Variants in SGPP2 observed in about 807,000 individuals in gnomAD.
The protein encoded by SGPP2 is sphingosine 1-phosphate phosphohydrolase 2.
A neutral mutation model predicts 33.9 loss-of-function variants in SGPP2; 30 were observed. The observed-to-expected ratio is 0.89, with a 90% CI of 0.66 to 1.20. The LOEUF is 1.20. Ranked by LOEUF, SGPP2 falls within the 50% of genes most tolerant of loss-of-function variation. The probability of loss-of-function intolerance (pLI) is 0.00; values close to 1 mark genes in which losing one functional copy is unlikely to be tolerated. For missense variants in SGPP2, 458 were observed against 532.1 expected, an observed-to-expected ratio of 0.86 and a Z score of 1.37; for synonymous variants, 233 against 225.0, an observed-to-expected ratio of 1.04 and a Z score of -0.32.
intron 1 of SGPP2, among the ~76,000 whole-genome samples, chr2:222,458,482 G>A (rs1445277941): frequency 6.6e-6 from 1 of 152,152 alleles, no homozygotes; most frequent in African/African-American, 2.4e-5. Context: ...GCAAAAATAA[G>A]TTACTGATAT....
chr2:222,555,060 A>G (rs1382054244), intron 4 of SGPP2, among the ~76,000 whole-genome samples: 2 of 151,736 alleles, frequency 1.3e-5, no homozygotes, highest in Non-Finnish European at 2.9e-5. Context: ...ATTCTCCATC[A>G]CTATGGTTTT....
chr2:222,517,004 C>G (rs1349620272), intron 2 of SGPP2, among the ~76,000 whole-genome samples: 1 of 152,172 alleles, frequency 6.6e-6, no homozygotes, highest in African/African-American at 2.4e-5. Flanking sequence ...ACAGTTTAAA[C>G]TCTAGTGGTC....
intron 2 of SGPP2, among the ~76,000 whole-genome samples, chr2:222,512,018 T>TTA (rs958076920): frequency 6.6e-6 from 1 of 150,654 alleles, no homozygotes; most frequent in Non-Finnish European, 1.5e-5. Flanking sequence ...ATTTATTTAT[T>TTA]TATTTATTTA....
intron 2 of SGPP2, among the ~76,000 whole-genome samples, chr2:222,478,016 T>TC (rs2106099724): frequency 6.6e-6 from 1 of 152,168 alleles, no homozygotes; most frequent in South Asian, 2.1e-4. Flanking sequence ...GGTTCACCAG[T>TC]CCCCCTGTGC....
intron 2 of SGPP2, among the ~76,000 whole-genome samples, chr2:222,507,772 T>C (rs937255627): frequency 6.6e-6 from 1 of 152,212 alleles, no homozygotes; most frequent in Non-Finnish European, 1.5e-5. Context: ...GGTATGTAAA[T>C]ACCTTTTCAA....
At chr2:222,484,324 A>C (rs1364480251) in intron 2 of SGPP2, among the ~76,000 whole-genome samples, 1 of 152,060 alleles carries the variant, frequency 6.6e-6, no homozygotes, top group Non-Finnish European at 1.5e-5. Flanking sequence ...GTGGAGTAGA[A>C]TTGTAGCTGT....
At chr2:222,424,267 T>A (rs930745944), upstream of SGPP2, among the ~76,000 whole-genome samples, 2 of 18,086 alleles carry the variant, frequency 1.1e-4, no homozygotes, top group South Asian at 1.8e-3. Context: ...GGGAAGAAGG[T>A]GGGGTGGGGG....
intron 2 of SGPP2, among the ~76,000 whole-genome samples, chr2:222,490,369 T>C (rs181226861): frequency 6.6e-6 from 1 of 152,230 alleles, no homozygotes; most frequent in East Asian, 1.9e-4. Flanking sequence ...TCTTATGGGG[T>C]CACTTGGACA....
At chr2:222,538,900 C>T (rs1455135012) in intron 4 of SGPP2, among the ~76,000 whole-genome samples, 5 of 152,316 alleles carry the variant, frequency 3.3e-5, no homozygotes, top group Admixed American at 6.5e-5. Context: ...CACCAGGTCC[C>T]ACCTCCAATA....
At chr2:222,558,246 TTG>T (rs994689346) in intron 4 of SGPP2, 99 bp from the exon 5 acceptor site, 4 of 1,262,276 alleles carry the variant, frequency 3.2e-6, no homozygotes, top group African/African-American at 1.5e-5. Context: ...AATGCAAAAA[TTG>T]TGTTTTAAAT....
chr2:222,535,042 C>T (rs1369480507), intron 4 of SGPP2, among the ~76,000 whole-genome samples: 2 of 152,136 alleles, frequency 1.3e-5, no homozygotes, highest in African/African-American at 4.8e-5. Flanking sequence ...ATTTGTGTAC[C>T]TTCTTTCCCA....
chr2:222,476,556 C>T lies in SGPP2; in HGVS notation c.378+1830C>T, dbSNP rs577151857. ...GTTTCTGAGGCCACTTCTGTGTCCACGGAGCAGGCAGGATGGGGGCAGGAG... is the reference window on the plus strand; with the variant it reads ...GTTTCTGAGGCCACTTCTGTGTCCATGGAGCAGGCAGGATGGGGGCAGGAG... On this transcript the variant is annotated intron_variant, in intron 2 of 4. Coordinates refer to ENST00000321276, the MANE Select transcript of SGPP2 (RefSeq NM_152386.4). The surrounding 1 kb of genome is among the most constrained non-coding windows in gnomAD (Gnocchi z 4.3). Among the ~76,000 whole-genome samples the T allele has an allele frequency of 2.0e-5, 3 of 152,108 alleles. No homozygotes were observed. Among genetic ancestry groups the T allele is most frequent in the South Asian group, 2.1e-4 (1 of 4,828 alleles).
rs1178453745 is a variant in SGPP2 at position 222,460,985 on chromosome 2, C to A, written c.220-13583C>A. Reference sequence around the variant, plus strand: ...GATAATAGCTCACTGCAGCCTTGAACCCCCAGGCTCAAACACTCCTCCTGC... The same window carrying A: ...GATAATAGCTCACTGCAGCCTTGAAACCCCAGGCTCAAACACTCCTCCTGC... On this transcript the variant is annotated intron_variant, in intron 1 of 4. Coordinates refer to ENST00000321276, the MANE Select transcript of SGPP2 (RefSeq NM_152386.4). The surrounding 1 kb of genome is among the most constrained non-coding windows in gnomAD (Gnocchi z 4.3). 6.6e-6 allele frequency among the ~76,000 whole-genome samples: 1 copy of A among 152,264 alleles called. No homozygotes were observed. The highest frequency in any genetic ancestry group is 2.4e-5 in the African/African-American group (1 of 41,556).
intron 2 of SGPP2, among the ~76,000 whole-genome samples, chr2:222,486,676 T>A (rs567518448): frequency 6.6e-6 from 1 of 152,210 alleles, no homozygotes; most frequent in South Asian, 2.1e-4. Flanking sequence ...CTATTATGAC[T>A]CTCATTTTAA....
At chr2:222,445,024 G>A (rs1261845994) in intron 1 of SGPP2, among the ~76,000 whole-genome samples, 2 of 152,188 alleles carry the variant, frequency 1.3e-5, no homozygotes, top group East Asian at 3.8e-4. Context: ...AACTGTCCAG[G>A]GACCAGGAAG....
intron 4 of SGPP2, among the ~76,000 whole-genome samples, chr2:222,529,596 A>C (rs1698810565): frequency 1.3e-5 from 2 of 152,172 alleles, no homozygotes; most frequent in African/African-American, 2.4e-5. Flanking sequence ...TGGTCTCCCA[A>C]AGTGCTGGGA....
intron 4 of SGPP2, among the ~76,000 whole-genome samples, chr2:222,554,493 A>G (rs1028122651): frequency 2.0e-5 from 3 of 152,240 alleles, no homozygotes; most frequent in African/African-American, 7.2e-5. Context: ...CTCTAAGGTC[A>G]AGTCCCAGAA....
intron 2 of SGPP2, chr2:222,504,827 C>T (rs551828177): frequency 6.6e-6 from 1 of 152,284 alleles, no homozygotes; most frequent in South Asian, 2.1e-4. Flanking sequence ...CCATTTAATC[C>T]AGCTTTTACA....
At chr2:222,462,365 G>C (rs936855878) in intron 1 of SGPP2, among the ~76,000 whole-genome samples, 1 of 152,156 alleles carries the variant, frequency 6.6e-6, no homozygotes, top group Non-Finnish European at 1.5e-5. Flanking sequence ...TGAGCAGGGA[G>C]TAAGCAGGGA....
Sources: gnomAD v4.1 joint callset for allele counts (sites outside exome capture counted in the v4.1 genomes callset) on GRCh38, gnomAD v4.1.1 for gene constraint, Gnocchi (gnomAD v3.1) non-coding constraint, MANE v1.5 for transcripts, NCBI Gene and HGNC (gene_info 2026-07-23, HGNC 2026-07-21) for gene names.